The following ANKRD27 variants were observed in gnomAD, a reference collection of about 807,000 sequenced individuals.
The protein encoded by ANKRD27 is ankyrin repeat domain 27, also known as ankyrin repeat domain-containing protein 27.
A neutral mutation model predicts 129.7 loss-of-function variants in ANKRD27; 112 were observed. The observed-to-expected ratio is 0.86, with a 90% CI of 0.74 to 1.01. The LOEUF (loss-of-function observed/expected upper bound fraction) is 1.01. Ranked by LOEUF, ANKRD27 falls within the 50% of genes least tolerant of loss-of-function variation. The pLI is 0.00. For synonymous variants in ANKRD27, 516 were observed against 511.2 expected (o/e 1.01, Z -0.13); for missense variants, 1,258 against 1,300.5 (o/e 0.97, Z 0.50).
intron 1 of ANKRD27, chr19:32,673,305 G>C: frequency 1.0e-6 from 1 of 985,728 alleles, no homozygotes; most frequent in Non-Finnish European, 1.2e-6. Context: ...AGAAGTCTCT[G>C]CTCCTGCTCC....
intron 17 of ANKRD27, among the ~76,000 whole-genome samples, chr19:32,625,487 A>G (rs1044583376): frequency 8.0e-5 from 12 of 149,944 alleles, no homozygotes; most frequent in African/African-American, 3.0e-4. Flanking sequence ...ATGGAGTACA[A>G]TGGTGCCATC....
At chr19:32,606,051 TAAG>T in intron 23 of ANKRD27, 97 bp from the exon 24 acceptor site, 2 of 1,063,036 alleles carry the variant, frequency 1.9e-6, no homozygotes, top group East Asian at 7.7e-5. Flanking sequence ...ATAAATAAAA[TAAG>T]AAAACAAAGT....
chr19:32,650,874 AAGTAACTGGG>A (rs1349796777), intron 2 of ANKRD27, among the ~76,000 whole-genome samples: 1 of 150,550 alleles, frequency 6.6e-6, no homozygotes, highest in African/African-American at 2.4e-5. Context: ...TCAGCCTCGT[AAGTAACTGGG>A]ACAACAGGTG....
intron 2 of ANKRD27, among the ~76,000 whole-genome samples, chr19:32,650,300 G>A (rs888188035): frequency 3.9e-5 from 6 of 152,084 alleles, no homozygotes; most frequent in Admixed American, 2.6e-4. Context: ...GCCTATAATC[G>A]TAGCACTTTG....
At chr19:32,620,247 A>C (rs1971987605) in intron 18 of ANKRD27, among the ~76,000 whole-genome samples, 1 of 151,326 alleles carries the variant, frequency 6.6e-6, no homozygotes, top group African/African-American at 2.4e-5. Flanking sequence ...ACACACACAC[A>C]AAATAATTTA....
intron 22 of ANKRD27, 127 bp from the exon 23 acceptor site, chr19:32,607,959 G>C (rs1380771726): frequency 1.0e-6 from 1 of 991,824 alleles, no homozygotes. Context: ...ATCCAGGATG[G>C]ATTCCAATTT....
At chr19:32,638,849 C>G in intron 12 of ANKRD27, 1 of 179,034 alleles carries the variant, frequency 5.6e-6, no homozygotes, top group Non-Finnish European at 1.2e-5. Flanking sequence ...CCCCTCGCCA[C>G]TCCACACCTG....
chr19:32,656,598 G>A (rs924507225), intron 2 of ANKRD27, among the ~76,000 whole-genome samples: 5 of 137,112 alleles, frequency 3.6e-5, no homozygotes, highest in East Asian at 2.0e-4. Context: ...AACAACCTGG[G>A]CAACATAGTG....
intron 3 of ANKRD27, among the ~76,000 whole-genome samples, chr19:32,649,339 C>A (rs1032542160): frequency 1.4e-4 from 21 of 152,164 alleles, no homozygotes; most frequent in Non-Finnish European, 2.4e-4. Context: ...AAGACACTGA[C>A]AAGCTTTTCA....
intron 1 of ANKRD27, among the ~76,000 whole-genome samples, chr19:32,666,966 C>T (rs747997663): frequency 1.3e-5 from 2 of 152,102 alleles, no homozygotes; most frequent in Non-Finnish European, 2.9e-5. Context: ...GATTTCTAAC[C>T]ACGTCATCCC....
chr19:32,602,015 AT>A lies in ANKRD27; in HGVS notation c.2766del (p.Lys922AsnfsTer45). 6.2e-7 allele frequency: 1 copy of A among 1,602,712 alleles called. No individual in the cohort carries two copies. Among genetic ancestry groups the A allele is most frequent in the Non-Finnish European group, 8.5e-7 (1 of 1,172,242 alleles). On this transcript the variant is annotated frameshift_variant and splice_region_variant, in exon 26 of 29. Coordinates refer to ENST00000306065, the MANE Select transcript of ANKRD27 (RefSeq NM_032139.3). LOFTEE classifies it high-confidence loss of function. ...KEYVTVKIRK[K>X]WNSKLYDLPD... ...TGACAGAAAGAACGTAAACTCTTACATTTTTTCCTGATCTTAACAGTGACAT... is the reference window on the plus strand; with the variant it reads ...TGACAGAAAGAACGTAAACTCTTACATTTTTCCTGATCTTAACAGTGACAT...
At chr19:32,653,503 G>T (rs962559541) in intron 2 of ANKRD27, among the ~76,000 whole-genome samples, 5 of 152,156 alleles carry the variant, frequency 3.3e-5, no homozygotes, top group Non-Finnish European at 5.9e-5. Flanking sequence ...GGACGCCACA[G>T]GTGTGTAATT....
chr19:32,627,748 C>A (rs1966915698), intron 15 of ANKRD27, among the ~76,000 whole-genome samples: 1 of 152,218 alleles, frequency 6.6e-6, no homozygotes, highest in African/African-American at 2.4e-5. Flanking sequence ...GGCAGGGCCA[C>A]AAGAACTGCG....
chr19:32,628,111 G>A lies in ANKRD27; in HGVS notation c.1392C>T (p.His464=). ...VTPFSRDDRG[H]TPLHVAAVCG... is the part of the protein sequence containing the mutation. ...AGACAGCAGCCACATGGAGAGGGGTGTGCCCCCTGTCGTCTCTGGAGAATG... is the reference window on the plus strand; with the variant it reads ...AGACAGCAGCCACATGGAGAGGGGTATGCCCCCTGTCGTCTCTGGAGAATG... Residue 464 remains histidine, a synonymous_variant, in exon 15 of 29, where the codon CAC becomes CAT. Coordinates refer to ENST00000306065, the MANE Select transcript of ANKRD27 (RefSeq NM_032139.3). The A allele has an allele frequency of 6.2e-7, 1 of 1,614,240 alleles. No individual in the cohort carries two copies. Among genetic ancestry groups the A allele is most frequent in the Non-Finnish European group, 8.5e-7 (1 of 1,180,034 alleles).
At chr19:32,642,218 AT>A in intron 9 of ANKRD27, 73 bp from the exon 10 acceptor site, 9 of 1,306,402 alleles carry the variant, frequency 6.9e-6, no homozygotes, top group South Asian at 4.2e-5. Flanking sequence ...CTAAGAACAC[AT>A]CTCAGGATCT....
At chr19:32,673,590 T>A in intron 1 of ANKRD27, 4 of 363,880 alleles carry the variant, frequency 1.1e-5, no homozygotes, top group Non-Finnish European at 1.5e-5. Context: ...GGAAAGAGTA[T>A]TTTCCCTCTT....
chr19:32,639,521 T>C, intron 11 of ANKRD27, 33 bp from the exon 12 acceptor site: 10 of 1,597,120 alleles, frequency 6.3e-6, no homozygotes, highest in Non-Finnish European at 8.5e-6. Flanking sequence ...TATGTTGTTG[T>C]CTATCCAAGT....
At position 32,625,964 on chromosome 19, in the gene ANKRD27, C is replaced by A; in HGVS notation, c.1539G>T (p.Leu513=). 2.5e-6 allele frequency: 4 copies of A among 1,605,324 alleles called. No homozygotes were observed. Among genetic ancestry groups the A allele is most frequent in the Non-Finnish European group, 3.4e-6 (4 of 1,177,432 alleles). ...CGCTGGCCTTGTAGTGCAGCAGCAG[C>A]AGCTGCGGAGATAAAGGAAAGCGAT... The part of the protein sequence containing the change: ...ACQKGYQSVT[L]LLLHYKASAE... The change falls in exon 17 of 29, where the codon CTG becomes CTT. Residue 513 remains leucine, a splice_region_variant and synonymous_variant. Coordinates refer to ENST00000306065, the MANE Select transcript of ANKRD27 (RefSeq NM_032139.3).
At chr19:32,611,518 G>C (rs1971835298) in intron 22 of ANKRD27, among the ~76,000 whole-genome samples, 1 of 152,186 alleles carries the variant, frequency 6.6e-6, no homozygotes, top group Non-Finnish European at 1.5e-5. Context: ...GTTCTTTTTA[G>C]AAATGGTAAA....
Sources: gnomAD v4.1 joint callset for allele counts (sites outside exome capture counted in the v4.1 genomes callset) on GRCh38, gnomAD v4.1.1 for gene constraint, MANE v1.5 for transcripts, NCBI Gene and HGNC (gene_info 2026-07-23, HGNC 2026-07-21) for gene names.